Variants in TGFBR2 observed in about 807,000 individuals in gnomAD.
TGFBR2 encodes transforming growth factor beta receptor 2, also known as TGF-beta receptor type-2.
Under a neutral mutation model 49.0 loss-of-function variants are expected in TGFBR2, and 18 were observed. The ratio of observed to expected loss-of-function variants is 0.37; its 90% CI spans 0.25 to 0.54. The LOEUF (loss-of-function observed/expected upper bound fraction) is 0.54, where lower values mean the gene tolerates loss of function less well. TGFBR2 is among the 20% of genes least tolerant of loss of function. TGFBR2 has a pLI of 0.85. For missense variants in TGFBR2, 525 were observed against 722.6 expected, an observed-to-expected ratio of 0.73 and a Z score of 3.13; for synonymous variants, 282 against 275.9, an observed-to-expected ratio of 1.02 and a Z score of -0.22.
In TGFBR2 at chr3:30,672,302, G is replaced by A. The variant is rs35719192; in HGVS notation, c.1119G>A (p.Met373Ile). 2,743 of 1,608,076 alleles carry A rather than the reference G, an allele frequency of 1.7e-3. 10 individuals are homozygous for A. The highest frequency in any genetic ancestry group is 3.8e-3 in the Admixed American group (226 of 59,796). ...SDHTPCGRPK[M>I]PIVHRDLKSS... The stretch of plus-strand genomic sequence containing the variant: ...ACACTCCATGTGGGAGGCCCAAGAT[G>A]CCCATCGTGCACAGGGACCTCAAGA... The change falls in exon 4 of 7, where the codon ATG becomes ATA. Residue 373 changes from methionine to isoleucine, a missense_variant. By Grantham distance (10) the Met-to-Ile change is conservative. Coordinates refer to ENST00000295754, the MANE Select transcript of TGFBR2 (RefSeq NM_003242.6). This position sits in a 1 kb window ranked among gnomAD's most constrained non-coding sequence, Gnocchi z 4.5.
At chr3:30,640,178 A>C (rs1698618742) in intron 1 of TGFBR2, among the ~76,000 whole-genome samples, 1 of 152,148 alleles carries the variant, frequency 6.6e-6, no homozygotes, top group Non-Finnish European at 1.5e-5. Flanking sequence ...ATTTGAAGAG[A>C]AGTGAAATAT....
intron 1 of TGFBR2, among the ~76,000 whole-genome samples, chr3:30,616,928 A>G (rs1376409134): frequency 6.6e-6 from 1 of 152,138 alleles, no homozygotes; most frequent in African/African-American, 2.4e-5. Context: ...TGGTGGTAAT[A>G]TTATTCCTCT....
chr3:30,650,524 C>A (rs2125411002), intron 3 of TGFBR2, 64 bp downstream of exon 3: 1 of 1,543,776 alleles, frequency 6.5e-7, no homozygotes, highest in South Asian at 1.1e-5. Context: ...TATCCTTGGT[C>A]TGCAGTGTCA....
intron 1 of TGFBR2, among the ~76,000 whole-genome samples, chr3:30,639,603 A>G (rs17025857): frequency 0.31 from 47,597 of 152,100 alleles, 7,755 homozygotes; most frequent in African/African-American, 0.39. Context: ...GCAGTACTCT[A>G]AAACAGTAAA....
rs1204652800 is a variant in TGFBR2 at position 30,629,856 on chromosome 3, G to C, written c.95-14891G>C. Among the ~76,000 whole-genome samples the C allele has an allele frequency of 2.6e-5, 4 of 152,180 alleles. No homozygotes were observed. In the East Asian group the frequency reaches 7.7e-4, roughly 29 times the overall value. ...ATTTTAGAAGCGGTTGTCAAGAATG[G>C]CATCTTTGATAATGTGATATTTGAG... On this transcript the variant is annotated intron_variant, in intron 1 of 6. Transcript: ENST00000295754.
intron 5 of TGFBR2, among the ~76,000 whole-genome samples, chr3:30,683,309 A>C (rs1432510821): frequency 5.9e-5 from 9 of 152,160 alleles, no homozygotes; most frequent in Admixed American, 5.9e-4. Flanking sequence ...TCTGTTACAG[A>C]TTTGCAATAT....
rs1162853283 is a variant in TGFBR2, at chr3:30,676,705, A to G, written c.1396+2459A>G. On this transcript the variant is annotated intron_variant, in intron 5 of 6. Coordinates refer to ENST00000295754, the MANE Select transcript of TGFBR2 (RefSeq NM_003242.6). The surrounding 1 kb of genome is among the most constrained non-coding windows in gnomAD (Gnocchi z 4.3). Reference sequence around the variant, plus strand: ...ATCCTGTTCAGAATATGCATAGCCAATTCTCCAGCGTGGGTCCGGGTCACC... The same window carrying G: ...ATCCTGTTCAGAATATGCATAGCCAGTTCTCCAGCGTGGGTCCGGGTCACC... Among the ~76,000 whole-genome samples, 1 of 152,184 alleles carries G rather than the reference A, an allele frequency of 6.6e-6. No individual in the cohort carries two copies. The highest frequency in any genetic ancestry group is 1.9e-4 in the East Asian group (1 of 5,200).
At chr3:30,607,365 C>T (rs565833302) in intron 1 of TGFBR2, among the ~76,000 whole-genome samples, 1 of 152,316 alleles carries the variant, frequency 6.6e-6, no homozygotes, top group Non-Finnish European at 1.5e-5. Flanking sequence ...CGCACCTGGG[C>T]CACTCCGCCC....
Position 30,610,073 on chromosome 3 carries a change from TATC to T in TGFBR2, c.94+3099_94+3101del, listed in dbSNP as rs1575127525. Among the ~76,000 whole-genome samples, 8 of 152,320 alleles carry T rather than the reference TATC, an allele frequency of 5.3e-5. 1 individual carries two copies. Reference sequence around the variant, plus strand: ...CTCTGGATCAATAAGGCACCTCTGATATCATTGCAAAAACTGGGCATTTTTTCT... The same window carrying T: ...CTCTGGATCAATAAGGCACCTCTGATATTGCAAAAACTGGGCATTTTTTCT... On this transcript the variant is annotated intron_variant, in intron 1 of 6. Coordinates refer to ENST00000295754, the MANE Select transcript of TGFBR2 (RefSeq NM_003242.6).
intron 3 of TGFBR2, among the ~76,000 whole-genome samples, chr3:30,662,646 A>G (rs190304224): frequency 6.6e-6 from 1 of 152,298 alleles, no homozygotes; most frequent in African/African-American, 2.4e-5. Flanking sequence ...ATGACTTTTT[A>G]TTGTTTGCCT....
At chr3:30,684,392 A>G (rs986144101) in intron 5 of TGFBR2, among the ~76,000 whole-genome samples, 5 of 152,340 alleles carry the variant, frequency 3.3e-5, no homozygotes, top group Admixed American at 2.6e-4. Context: ...TGGAAAATCT[A>G]TGTTACATAA....
rs758827786 is a variant in TGFBR2 at position 30,671,828 on chromosome 3, C to G, written c.645C>G (p.His215Gln). 4 of 1,614,244 alleles carry G rather than the reference C, an allele frequency of 2.5e-6. No individual in the cohort carries two copies. The highest frequency in any genetic ancestry group is 1.1e-5 in the South Asian group (1 of 91,088). The change falls in exon 4 of 7, where the codon CAC becomes CAG. Residue 215 changes from histidine to glutamine, a missense_variant. Physicochemically the swap from His to Gln is conservative, Grantham distance 24 (BLOSUM62 0). This residue lies in a region of TGFBR2 where 376 missense variants were observed against 478.2 expected (regional missense o/e 0.79). Transcript: ENST00000295754. ...KTRKLMEFSE[H>Q]CAIILEDDRS... ...GGAAGCTCATGGAGTTCAGCGAGCA[C>G]TGTGCCATCATCCTGGAAGATGACC...
Position 30,672,781 on chromosome 3 carries a change from C to T in TGFBR2, c.1254+344C>T, listed in dbSNP as rs541816705. On this transcript the variant is annotated intron_variant, in intron 4 of 6. Coordinates refer to ENST00000295754, the MANE Select transcript of TGFBR2 (RefSeq NM_003242.6). This position sits in a 1 kb window ranked among gnomAD's most constrained non-coding sequence, Gnocchi z 4.5. ...TTTTTCCCTCTCTTATGGTTGTACT[C>T]AGTCCTTTCTGCTCTATACTAGCTG... Among the ~76,000 whole-genome samples the T allele has an allele frequency of 6.6e-6, 1 of 152,282 alleles. No individual in the cohort carries two copies. The highest frequency in any genetic ancestry group is 2.1e-4 in the South Asian group (1 of 4,832).
At chr3:30,627,198 C>T (rs375093781) in intron 1 of TGFBR2, among the ~76,000 whole-genome samples, 1 of 152,238 alleles carries the variant, frequency 6.6e-6, no homozygotes, top group East Asian at 1.9e-4. Flanking sequence ...CTAGAGACAC[C>T]TCTGGAATAA....
chr3:30,667,390 T>C (rs1021850323), intron 3 of TGFBR2, among the ~76,000 whole-genome samples: 1 of 152,208 alleles, frequency 6.6e-6, no homozygotes, highest in Non-Finnish European at 1.5e-5. Context: ...GGCTCCTGTT[T>C]AGATAAAGCC....
intron 5 of TGFBR2, among the ~76,000 whole-genome samples, chr3:30,685,251 C>T (rs897244579): frequency 1.3e-5 from 2 of 152,196 alleles, no homozygotes; most frequent in Admixed American, 6.5e-5. Flanking sequence ...AACGGTAATA[C>T]AATGTGAGAT....
chr3:30,616,300 T>C (rs969643089), intron 1 of TGFBR2, among the ~76,000 whole-genome samples: 1 of 152,172 alleles, frequency 6.6e-6, no homozygotes, highest in Non-Finnish European at 1.5e-5. Context: ...AACCAAAATA[T>C]TTTTCCTCCA....
Position 30,676,171 on chromosome 3 carries a change from A to G in TGFBR2, c.1396+1925A>G, listed in dbSNP as rs528356006. Among the ~76,000 whole-genome samples the G allele has an allele frequency of 1.3e-5, 2 of 152,222 alleles. No individual in the cohort carries two copies. The highest frequency in any genetic ancestry group is 2.9e-5 in the Non-Finnish European group (2 of 68,032). On this transcript the variant is annotated intron_variant, in intron 5 of 6. Coordinates refer to ENST00000295754, the MANE Select transcript of TGFBR2 (RefSeq NM_003242.6). The surrounding 1 kb of genome is among the most constrained non-coding windows in gnomAD (Gnocchi z 4.3). ...TTCAGTGCGTCATATCAGGGGGAAT[A>G]AGATGTCCATGTGTCTGGTTATTAA...
chr3:30,681,747 G>C (rs1699545152), intron 5 of TGFBR2, among the ~76,000 whole-genome samples: 1 of 152,186 alleles, frequency 6.6e-6, no homozygotes, highest in Non-Finnish European at 1.5e-5. Context: ...AACAGTCTGA[G>C]GGTGAGACAA....
Sources: gnomAD v4.1 joint callset for allele counts (sites outside exome capture counted in the v4.1 genomes callset) on GRCh38, gnomAD v4.1.1 for gene constraint, gnomAD v4.1.1 regional missense constraint, Gnocchi (gnomAD v3.1) non-coding constraint, MANE v1.5 for transcripts, NCBI Gene and HGNC (gene_info 2026-07-23, HGNC 2026-07-21) for gene names.